JAZF1: variants seen among roughly 807,000 people sequenced by gnomAD.
JAZF1 encodes the protein JAZF zinc finger 1.
Under a neutral mutation model 26.4 loss-of-function variants are expected in JAZF1, and 8 were observed. The observed-to-expected ratio is 0.30, with a 90% CI of 0.18 to 0.55. The LOEUF is 0.55. JAZF1 is among the 20% of genes least tolerant of loss of function. The pLI is 0.94. For missense variants in JAZF1, 199 were observed against 322.0 expected (o/e 0.62, Z 2.92); for synonymous variants, 126 against 122.3 (o/e 1.03, Z -0.20).
At chr7:28,083,052 C>T (rs1301219778) in intron 1 of JAZF1, among the ~76,000 whole-genome samples, 4 of 152,210 alleles carry the variant, frequency 2.6e-5, no homozygotes, top group African/African-American at 9.7e-5. Flanking sequence ...CTGCTGTACT[C>T]GTGGATTAAA....
intron 3 of JAZF1, among the ~76,000 whole-genome samples, chr7:27,875,333 T>C (rs1203612950): frequency 6.6e-6 from 1 of 152,192 alleles, no homozygotes; most frequent in Non-Finnish European, 1.5e-5. Flanking sequence ...TCGGCACAGC[T>C]GGAATAGAGT....
In JAZF1 at chr7:27,938,270, G is replaced by A. The variant is rs144608860; in HGVS notation, c.189-42854C>T. Among the ~76,000 whole-genome samples, 735 of 152,220 alleles carry A rather than the reference G, an allele frequency of 4.8e-3. 9 individuals carry two copies. Among genetic ancestry groups the A allele is most frequent in the African/African-American group, 0.017 (691 of 41,532 alleles). ...GTCCTCTTCTCTTTAGAATCCTTAGGTTATATTGTATCCAGGAGCATGGTT... is the reference window on the plus strand; with the variant it reads ...GTCCTCTTCTCTTTAGAATCCTTAGATTATATTGTATCCAGGAGCATGGTT... On this transcript the variant is annotated intron_variant, in intron 2 of 4. Coordinates refer to ENST00000283928, the MANE Select transcript of JAZF1 (RefSeq NM_175061.4).
chr7:27,998,973 A>T (rs1786077783), intron 1 of JAZF1, among the ~76,000 whole-genome samples: 1 of 152,182 alleles, frequency 6.6e-6, no homozygotes, highest in Admixed American at 6.5e-5. Flanking sequence ...TTTTTCCCCA[A>T]GTATAAGATG....
At chr7:28,086,627 T>C (rs867777825) in intron 1 of JAZF1, among the ~76,000 whole-genome samples, 28 of 152,332 alleles carry the variant, frequency 1.8e-4, no homozygotes, top group Middle Eastern at 3.4e-3. Context: ...GTAAAATTGA[T>C]GCATGAAAGA....
intron 2 of JAZF1, among the ~76,000 whole-genome samples, chr7:27,938,496 T>G (rs1784792191): frequency 6.6e-6 from 1 of 152,226 alleles, no homozygotes; most frequent in African/African-American, 2.4e-5. Flanking sequence ...GCTTCACACC[T>G]CACTGGTGCT....
At chr7:27,848,917 C>T (rs1195890840) in intron 3 of JAZF1, among the ~76,000 whole-genome samples, 1 of 152,136 alleles carries the variant, frequency 6.6e-6, no homozygotes, top group Non-Finnish European at 1.5e-5. Flanking sequence ...AGAGAAACAT[C>T]TTTGCCATTT....
intron 2 of JAZF1, among the ~76,000 whole-genome samples, chr7:27,896,934 A>G (rs1290662479): frequency 3.9e-5 from 6 of 152,238 alleles, no homozygotes; most frequent in African/African-American, 1.2e-4. Context: ...GTCAAGGCAA[A>G]AGAGAATTGT....
chr7:28,068,472 G>A lies in JAZF1; in HGVS notation c.116-76491C>T, dbSNP rs559177855. On this transcript the variant is annotated intron_variant, in intron 1 of 4. Coordinates refer to ENST00000283928, the MANE Select transcript of JAZF1 (RefSeq NM_175061.4). ...TAATTAACAGAATCTTTCCTAAACT[G>A]TGCAAAGGCAAACTTCCCTGAAGAC... Among the ~76,000 whole-genome samples, 4 of 150,900 alleles carry A rather than the reference G, an allele frequency of 2.7e-5. No homozygotes were observed. In the South Asian group the frequency reaches 8.3e-4, roughly 31 times the overall value.
chr7:28,177,891 TA>T (rs1488471471), intron 1 of JAZF1, among the ~76,000 whole-genome samples: 1 of 152,240 alleles, frequency 6.6e-6, no homozygotes, highest in Non-Finnish European at 1.5e-5. Context: ...TTATTCTTCT[TA>T]AGATCAGTTC....
At chr7:28,158,076 G>A (rs965948888) in intron 1 of JAZF1, among the ~76,000 whole-genome samples, 2 of 151,700 alleles carry the variant, frequency 1.3e-5, no homozygotes, top group East Asian at 1.9e-4. Context: ...TATACTTCTC[G>A]ACCTCTCAAA....
chr7:27,995,031 T>C (rs1219467194), intron 1 of JAZF1, among the ~76,000 whole-genome samples: 3 of 152,134 alleles, frequency 2.0e-5, no homozygotes, highest in South Asian at 2.1e-4. Context: ...GCAGAAAGGA[T>C]ACAATCAGAA....
intron 1 of JAZF1, among the ~76,000 whole-genome samples, chr7:28,042,615 A>C (rs1481838673): frequency 6.6e-6 from 1 of 152,216 alleles, no homozygotes; most frequent in African/African-American, 2.4e-5. Flanking sequence ...TATGCACTAT[A>C]ACATATAGAC....
chr7:28,179,648 C>CAAGA (rs1459597529), intron 1 of JAZF1, among the ~76,000 whole-genome samples: 1 of 149,888 alleles, frequency 6.7e-6, no homozygotes, highest in Non-Finnish European at 1.5e-5. Context: ...CGGGCGCACC[C>CAAGA]AAGACCTCAG....
intron 1 of JAZF1, among the ~76,000 whole-genome samples, chr7:28,099,844 T>C (rs1322303620): frequency 1.3e-5 from 2 of 152,198 alleles, no homozygotes; most frequent in Non-Finnish European, 2.9e-5. Context: ...GGGTCCTCAC[T>C]TTCCTACAAA....
intron 3 of JAZF1, among the ~76,000 whole-genome samples, chr7:27,853,507 G>A (rs1180612940): frequency 6.6e-6 from 1 of 152,200 alleles, no homozygotes; most frequent in Non-Finnish European, 1.5e-5. Flanking sequence ...CTTGCCTTGT[G>A]CCCTGAGCTG....
At chr7:28,126,994 GC>G (rs1364437022) in intron 1 of JAZF1, among the ~76,000 whole-genome samples, 1 of 152,124 alleles carries the variant, frequency 6.6e-6, no homozygotes, top group African/African-American at 2.4e-5. Flanking sequence ...TCTGGCCAAA[GC>G]CCCCTGTCTC....
At chr7:28,049,177 G>A (rs1369942548) in intron 1 of JAZF1, among the ~76,000 whole-genome samples, 1 of 150,974 alleles carries the variant, frequency 6.6e-6, no homozygotes, top group East Asian at 2.0e-4. Context: ...CCGCTTCCTG[G>A]GTTCAAGTGA....
At chr7:27,834,356 A>G (rs1190985566) in intron 4 of JAZF1, among the ~76,000 whole-genome samples, 2 of 152,166 alleles carry the variant, frequency 1.3e-5, no homozygotes, top group East Asian at 3.9e-4. Flanking sequence ...ATGCTTTTTT[A>G]AAAGTCCTTG....
At chr7:27,872,716 C>A (rs1783604709) in intron 3 of JAZF1, among the ~76,000 whole-genome samples, 1 of 152,334 alleles carries the variant, frequency 6.6e-6, no homozygotes, top group Admixed American at 6.5e-5. Context: ...CTGCTAGTTG[C>A]AGCTGTAATC....
Sources: allele counts gnomAD v4.1 joint callset (sites outside exome capture counted in the v4.1 genomes callset), GRCh38; gene constraint gnomAD v4.1.1; transcripts MANE v1.5; gene names NCBI Gene and HGNC (gene_info 2026-07-23, HGNC 2026-07-21).